CLPB: variants seen among roughly 807,000 people sequenced by gnomAD.
The protein encoded by CLPB is mitochondrial disaggregase.
In CLPB, 40 loss-of-function variants were observed where a neutral mutation model predicts 78.4. The ratio of observed to expected loss-of-function variants is 0.51; its 90% CI spans 0.40 to 0.66. CLPB has a LOEUF of 0.66. Among genes scored for constraint, CLPB ranks in the 30% least tolerant of loss-of-function variants. The pLI, the probability that CLPB is intolerant of heterozygous loss-of-function variation, is 0.00. For synonymous variants in CLPB, 333 were observed against 348.0 expected (o/e 0.96, Z 0.48); for missense variants, 780 against 886.9 (o/e 0.88, Z 1.53).
rs1026380289 is a variant in CLPB at position 72,289,616 on chromosome 11, G to A, written c.*3751C>T. Reference sequence around the variant, plus strand: ...AACGGAGTCTTGCTCTGTCACTCAGGCTGCAGTGCAGTGGTACAATCACAG... The same window carrying A: ...AACGGAGTCTTGCTCTGTCACTCAGACTGCAGTGCAGTGGTACAATCACAG... On this transcript the variant is annotated 3_prime_UTR_variant, in exon 16 of 16. Coordinates refer to ENST00000538039, the MANE Select transcript of CLPB (RefSeq NM_001258392.3). 6.6e-5 allele frequency: 10 copies of A among 152,118 alleles called. No homozygotes were observed. The highest frequency in any genetic ancestry group is 2.4e-4 in the African/African-American group (10 of 41,420). The allele number at this position is 152,118 out of a possible 1,614,324, so 9.4% of individuals were successfully genotyped here. A position where few individuals can be genotyped will look rare whatever the true frequency, so the allele number is the denominator to read the frequency against.
intron 4 of CLPB, among the ~76,000 whole-genome samples, chr11:72,373,525 C>T (rs1049019318): frequency 6.6e-6 from 1 of 152,182 alleles, no homozygotes; most frequent in Non-Finnish European, 1.5e-5. Flanking sequence ...GGCAGAGGAA[C>T]AGCTATGATC....
intron 3 of CLPB, among the ~76,000 whole-genome samples, chr11:72,383,391 CGTGGT>C (rs1298232486): frequency 6.6e-6 from 1 of 151,718 alleles, no homozygotes; most frequent in Non-Finnish European, 1.5e-5. Flanking sequence ...ATTAGCCAGG[CGTGGT>C]GGCGGGCGCC....
At chr11:72,368,581 T>A (rs1029959298) in intron 4 of CLPB, among the ~76,000 whole-genome samples, 1 of 152,240 alleles carries the variant, frequency 6.6e-6, no homozygotes, top group Non-Finnish European at 1.5e-5. Flanking sequence ...CTTTCCTCTA[T>A]GCCTTCTGTT....
At chr11:72,418,943 TAGA>T (rs1045940747) in intron 2 of CLPB, among the ~76,000 whole-genome samples, 1 of 151,958 alleles carries the variant, frequency 6.6e-6, no homozygotes, top group African/African-American at 2.4e-5. Context: ...CTGATTGCCT[TAGA>T]AGGACTTTGG....
intron 5 of CLPB, among the ~76,000 whole-genome samples, chr11:72,335,463 C>T (rs368325117): frequency 9.2e-5 from 14 of 152,304 alleles, no homozygotes; most frequent in African/African-American, 2.6e-4. Context: ...AGGGGTGTCC[C>T]CCATTTAACT....
Position 72,365,256 on chromosome 11 carries a change from A to G in CLPB, c.647-6248T>C, listed in dbSNP as rs368613933. Among the ~76,000 whole-genome samples, 10 of 152,326 alleles carry G rather than the reference A, an allele frequency of 6.6e-5. No homozygotes were observed. In the South Asian group the frequency reaches 1.2e-3, roughly 19 times the overall value. The stretch of plus-strand genomic sequence containing the variant: ...AGGATCCCTTAAGCCCAGGAAGTCA[A>G]TGCTATAGTGAGCCGTGATCACACC... On this transcript the variant is annotated intron_variant, in intron 4 of 15. Transcript: ENST00000538039.
intron 4 of CLPB, among the ~76,000 whole-genome samples, chr11:72,363,898 G>A (rs1197210884): frequency 6.6e-6 from 1 of 152,162 alleles, no homozygotes; most frequent in Admixed American, 6.5e-5. Context: ...GAATCTCTAG[G>A]AAGAAGCCTC....
Position 72,289,222 on chromosome 11 carries a change from A to G in CLPB, c.*4145T>C, listed in dbSNP as rs1949423840. 1 of 152,188 alleles carries G rather than the reference A, an allele frequency of 6.6e-6. No homozygotes were observed. Among genetic ancestry groups the G allele is most frequent in the Non-Finnish European group, 1.5e-5 (1 of 68,048 alleles). 9.4% of individuals were successfully genotyped at this position (152,188 alleles called of 1,614,324 possible). A position where few individuals can be genotyped will look rare whatever the true frequency, so the allele number is the denominator to read the frequency against. ...TTCTTAATTAGGTTCCTTAGAATCT[A>G]AGGTTCTACCCCTGTCTCCTTATCC... is the stretch of plus-strand genomic sequence containing the variant. On this transcript the variant is annotated 3_prime_UTR_variant, in exon 16 of 16. Transcript: ENST00000538039.
intron 11 of CLPB, among the ~76,000 whole-genome samples, chr11:72,301,042 C>G (rs538381038): frequency 6.6e-6 from 1 of 152,328 alleles, no homozygotes; most frequent in South Asian, 2.1e-4. Context: ...TATAACCTCT[C>G]TGAACCTCAG....
At chr11:72,297,372 G>A (rs77881445) in intron 11 of CLPB, among the ~76,000 whole-genome samples, 1,615 of 152,370 alleles carry the variant, frequency 0.011, 26 homozygotes, top group African/African-American at 0.037. Context: ...CATGCTGGGT[G>A]TAGTTTCCAG....
intron 3 of CLPB, among the ~76,000 whole-genome samples, chr11:72,384,460 A>G (rs1453730319): frequency 6.6e-6 from 1 of 152,180 alleles, no homozygotes; most frequent in African/African-American, 2.4e-5. Context: ...AGTAAGGAAT[A>G]TAAGTATACT....
intron 5 of CLPB, among the ~76,000 whole-genome samples, chr11:72,332,259 G>A (rs551389045): frequency 2.6e-5 from 4 of 151,382 alleles, no homozygotes; most frequent in Non-Finnish European, 5.9e-5. Flanking sequence ...GAGGTGGGCG[G>A]ATCACTTGAG....
intron 5 of CLPB, among the ~76,000 whole-genome samples, chr11:72,348,340 A>T (rs1291281560): frequency 6.6e-6 from 1 of 151,900 alleles, no homozygotes; most frequent in Non-Finnish European, 1.5e-5. Context: ...GGAGCTCTCT[A>T]TGGACTACAA....
rs141323707 is a variant in CLPB at position 72,424,106 on chromosome 11, T to A, written c.455+6206A>T. ...AACAGACAAAGACAGTGGCCTTCGG[T>A]GACTAGCTTTTTTCACTTAGCATAT... On this transcript the variant is annotated intron_variant, in intron 2 of 15. Transcript: ENST00000538039. Among the ~76,000 whole-genome samples the A allele has an allele frequency of 5.9e-5, 9 of 152,356 alleles. No individual in the cohort carries two copies. In the East Asian group the frequency reaches 1.3e-3, roughly 23 times the overall value.
intron 5 of CLPB, among the ~76,000 whole-genome samples, chr11:72,357,994 C>T (rs1021356339): frequency 6.6e-6 from 1 of 152,172 alleles, no homozygotes; most frequent in East Asian, 1.9e-4. Context: ...CATGTACTCA[C>T]TCAGGGGTCT....
chr11:72,402,893 G>T, intron 3 of CLPB, 73 bp downstream of exon 3: 1 of 1,259,104 alleles, frequency 7.9e-7, no homozygotes, highest in Non-Finnish European at 1.2e-6. Context: ...GGCACACCAG[G>T]TGGGAGAGTG....
At chr11:72,336,994 C>T (rs1950333925) in intron 5 of CLPB, 1 of 398,628 alleles carries the variant, frequency 2.5e-6, no homozygotes, top group Non-Finnish European at 4.4e-6. Context: ...TAGTGTCCTC[C>T]CTACTTACTC....
chr11:72,408,305 C>T (rs1195977226), intron 2 of CLPB: 1 of 843,872 alleles, frequency 1.2e-6, no homozygotes, highest in East Asian at 2.7e-5. Flanking sequence ...AGATATTAAT[C>T]CCTCTTGTGC....
In CLPB at chr11:72,380,514, C is replaced by T. The variant is rs1018000994; in HGVS notation, c.543-130G>A. 8 of 702,514 alleles carry T rather than the reference C, an allele frequency of 1.1e-5. No homozygotes were observed. The Admixed American group carries it at 1.8e-4, about 16-fold the overall frequency. The allele number at this position is 702,514 out of a possible 1,614,324, so 43.5% of individuals were successfully genotyped here. A position where few individuals can be genotyped will look rare whatever the true frequency, so the allele number is the denominator to read the frequency against. On this transcript the variant is annotated intron_variant, in intron 3 of 15. Coordinates refer to ENST00000538039, the MANE Select transcript of CLPB (RefSeq NM_001258392.3). ...GTGAGTGATACGGTGGGAAAAAAAC[C>T]ATGAACTTTGGGAGTGTAAAAGACA...
Sources: allele counts gnomAD v4.1 joint callset (sites outside exome capture counted in the v4.1 genomes callset), GRCh38; gene constraint gnomAD v4.1.1; transcripts MANE v1.5; gene names NCBI Gene and HGNC (gene_info 2026-07-23, HGNC 2026-07-21).